KIR3DL2: variants seen among roughly 807,000 people sequenced by gnomAD.
KIR3DL2 encodes the protein killer cell immunoglobulin like receptor, three Ig domains and long cytoplasmic tail 2.
A neutral mutation model predicts 41.6 loss-of-function variants in KIR3DL2; 42 were observed. The observed-to-expected ratio is 1.01, with a 90% confidence interval of 0.79 to 1.31. KIR3DL2 has a LOEUF of 1.31. Ranked by LOEUF, KIR3DL2 falls within the 50% of genes most tolerant of loss-of-function variation. The probability of loss-of-function intolerance (pLI) is 0.00; values close to 1 mark genes in which losing one functional copy is unlikely to be tolerated. For missense variants in KIR3DL2, 728 were observed against 576.8 expected (o/e 1.26, Z -2.68); for synonymous variants, 230 against 221.3 (o/e 1.04, Z -0.35).
intron 5 of KIR3DL2, among the ~76,000 whole-genome samples, chr19:54,858,864 A>G: frequency 6.6e-6 from 1 of 151,874 alleles, no homozygotes; most frequent in Non-Finnish European, 1.5e-5. Flanking sequence ...ACATATTTCT[A>G]AGTCAGGTAG....
chr19:54,863,294 T>C (rs1375629062), intron 6 of KIR3DL2, among the ~76,000 whole-genome samples: 1 of 151,962 alleles, frequency 6.6e-6, no homozygotes, highest in African/African-American at 2.4e-5. Context: ...TTTGCTATTG[T>C]GAATAGTGCC....
rs2065576798 is a variant in KIR3DL2, at chr19:54,866,935, T to TCC, written c.*204_*205insCC. The TCC allele has an allele frequency of 6.4e-6, 4 of 624,032 alleles. No homozygotes were observed. Among genetic ancestry groups the TCC allele is most frequent in the Admixed American group, 3.0e-5 (1 of 32,838 alleles). The allele number at this position is 624,032 out of a possible 1,614,324, so 38.7% of individuals were successfully genotyped here. On this transcript the variant is annotated 3_prime_UTR_variant, in exon 9 of 9. Coordinates refer to ENST00000326321, the MANE Select transcript of KIR3DL2 (RefSeq NM_006737.4). ...CTCCTTTGCTTAGCCCACAAGTATCTATTTCACTTGACCCCTGCCCACCTC... is the reference window on the plus strand; with the variant it reads ...CTCCTTTGCTTAGCCCACAAGTATCTCCATTTCACTTGACCCCTGCCCACCTC...
At chr19:54,857,041 G>A (rs1460921688) in intron 5 of KIR3DL2, among the ~76,000 whole-genome samples, 1 of 151,682 alleles carries the variant, frequency 6.6e-6, no homozygotes, top group African/African-American at 2.4e-5. Flanking sequence ...CCTTTCCTTT[G>A]GATATAAACC....
intron 2 of KIR3DL2, 43 bp from the exon 3 acceptor site, chr19:54,851,955 C>T (rs771545743): frequency 1.3e-4 from 211 of 1,595,264 alleles, no homozygotes; most frequent in Non-Finnish European, 4.2e-5. Context: ...GGAGGGGTGG[C>T]TCCACATCCT....
chr19:54,856,803 G>A (rs1193249479), intron 5 of KIR3DL2, among the ~76,000 whole-genome samples: 2 of 152,006 alleles, frequency 1.3e-5, no homozygotes, highest in African/African-American at 4.8e-5. Context: ...TCTCCTGCAT[G>A]TGGTGAGAAA....
rs1482939823 is a variant in KIR3DL2 at position 54,851,253 on chromosome 19, T to C, written c.68T>C (p.Met23Thr). 1 of 1,608,382 alleles carries C rather than the reference T, an allele frequency of 6.2e-7. No homozygotes were observed. The highest frequency in any genetic ancestry group is 8.5e-7 in the Non-Finnish European group (1 of 1,177,548). Residue 23 changes from methionine to threonine, a missense_variant and splice_region_variant, in exon 2 of 9, where the codon ATG becomes ACG. Met to Thr is a moderately conservative substitution (Grantham distance 81, BLOSUM62 -1). Transcript: ENST00000326321. ...FFLLQGAWPL[M>T]GGQDKPFLSA... ...TTGCTGCAGGGGGCCTGGCCACTCATGGGTGAGTCCGTCCCCAAACCTTAG... is the reference window on the plus strand; with the variant it reads ...TTGCTGCAGGGGGCCTGGCCACTCACGGGTGAGTCCGTCCCCAAACCTTAG...
In KIR3DL2 at chr19:54,856,018, G is replaced by A. The variant is rs2064743398; in HGVS notation, c.949+106G>A. 36 of 1,384,722 alleles carry A rather than the reference G, an allele frequency of 2.6e-5. 1 individual carries two copies. The highest frequency in any genetic ancestry group is 2.6e-4 in the South Asian group (20 of 77,182). The allele number at this position is 1,384,722 out of a possible 1,614,324, so 85.8% of individuals were successfully genotyped here. A position where few individuals can be genotyped will look rare whatever the true frequency, so the allele number is the denominator to read the frequency against. On this transcript the variant is annotated intron_variant, in intron 5 of 8. Coordinates refer to ENST00000326321, the MANE Select transcript of KIR3DL2 (RefSeq NM_006737.4). ...GCATGGACAGATGCAGAGAGAACAC[G>A]AAGACTGGGTGTGAGGGGGGGGTCA...
At position 54,854,171 on chromosome 19, in the gene KIR3DL2, G is replaced by A. The variant is rs1408496403; in HGVS notation, c.655+125G>A. The A allele has an allele frequency of 6.6e-6, 8 of 1,204,136 alleles. 1 individual carries two copies. The South Asian group carries it at 9.8e-5, about 15-fold the overall frequency. The allele number at this position is 1,204,136 out of a possible 1,614,324, so 74.6% of individuals were successfully genotyped here. ...ATTCTTATGGAGAGAGACTGACTCG[G>A]TGAGGTCTGTACCAACAGAGACAGG... is the stretch of plus-strand genomic sequence containing the variant. On this transcript the variant is annotated intron_variant, in intron 4 of 8. Transcript: ENST00000326321.
chr19:54,855,777 G>T lies in KIR3DL2; in HGVS notation c.814G>T (p.Val272Phe). 6.2e-7 allele frequency: 1 copy of T among 1,613,470 alleles called. No homozygotes were observed. Among genetic ancestry groups the T allele is most frequent in the South Asian group, 1.1e-5 (1 of 91,076 alleles). Reference sequence around the variant, plus strand: ...ACGTAGGCTCCGTGCAGTGCCCAAGGTCAACAGAACATTCCAGGCAGACTT... The same window carrying T: ...ACGTAGGCTCCGTGCAGTGCCCAAGTTCAACAGAACATTCCAGGCAGACTT... ...HERRLRAVPK[V>F]NRTFQADFPL... The change falls in exon 5 of 9, where the codon GTC becomes TTC. Residue 272 changes from valine to phenylalanine, a missense_variant. Transcript: ENST00000326321.
chr19:54,856,748 G>T (rs1359814387), intron 5 of KIR3DL2, among the ~76,000 whole-genome samples: 2 of 151,610 alleles, frequency 1.3e-5, no homozygotes, highest in Non-Finnish European at 2.9e-5. Context: ...CCTGGCCTCT[G>T]GTATCCACCA....
At chr19:54,865,128 G>C (rs2065416947) in intron 6 of KIR3DL2, among the ~76,000 whole-genome samples, 4 of 151,992 alleles carry the variant, frequency 2.6e-5, no homozygotes, top group African/African-American at 9.7e-5. Context: ...TCCGGTTTTT[G>C]TCTTTGGTTC....
rs1304078889 is a variant in KIR3DL2, at chr19:54,851,231, C to A, written c.46C>A (p.Leu16Met). 1 of 1,610,174 alleles carries A rather than the reference C, an allele frequency of 6.2e-7. No individual in the cohort carries two copies. The highest frequency in any genetic ancestry group is 8.5e-7 in the Non-Finnish European group (1 of 1,178,434). ...ATCTTTCTTTCCAGGGTTCTTCTTG[C>A]TGCAGGGGGCCTGGCCACTCATGGG... ...VSMACVGFFL[L>M]QGAWPLMGGQ... Residue 16 changes from leucine (L) to methionine (M), a missense_variant, in exon 2 of 9, where the codon CTG (leucine) becomes ATG (methionine). Coordinates refer to ENST00000326321, the MANE Select transcript of KIR3DL2 (RefSeq NM_006737.4).
In KIR3DL2 at chr19:54,851,256, G is replaced by T. The variant is rs544077143; in HGVS notation, c.70+1G>T. Reference sequence around the variant, plus strand: ...CTGCAGGGGGCCTGGCCACTCATGGGTGAGTCCGTCCCCAAACCTTAGGGT... The same window carrying T: ...CTGCAGGGGGCCTGGCCACTCATGGTTGAGTCCGTCCCCAAACCTTAGGGT... On this transcript the variant is annotated splice_donor_variant, in intron 2 of 8. Coordinates refer to ENST00000326321, the MANE Select transcript of KIR3DL2 (RefSeq NM_006737.4). LOFTEE classifies it high-confidence loss of function. The T allele has an allele frequency of 6.2e-7, 1 of 1,609,018 alleles. No individual in the cohort carries two copies. The highest frequency in any genetic ancestry group is 1.1e-5 in the South Asian group (1 of 90,996).
chr19:54,857,176 G>C (rs2064850497), intron 5 of KIR3DL2, among the ~76,000 whole-genome samples: 1 of 150,532 alleles, frequency 6.6e-6, no homozygotes, highest in African/African-American at 2.5e-5. Flanking sequence ...TGCAACCTCT[G>C]CTTCCTAGGT....
chr19:54,855,777 G>A lies in KIR3DL2; in HGVS notation c.814G>A (p.Val272Ile). The A allele has an allele frequency of 6.2e-7, 1 of 1,613,470 alleles. No individual in the cohort carries two copies. The highest frequency in any genetic ancestry group is 2.2e-5 in the East Asian group (1 of 44,870). Residue 272 changes from valine (V) to isoleucine (I), a missense_variant, in exon 5 of 9, where the codon GTC (valine) becomes ATC (isoleucine). Val to Ile is a conservative substitution (Grantham distance 29). Coordinates refer to ENST00000326321, the MANE Select transcript of KIR3DL2 (RefSeq NM_006737.4). The part of the protein sequence containing the change: ...HERRLRAVPK[V>I]NRTFQADFPL... ...ACGTAGGCTCCGTGCAGTGCCCAAG[G>A]TCAACAGAACATTCCAGGCAGACTT...
chr19:54,866,497 T>C (rs1863203225), intron 8 of KIR3DL2, 25 bp from the exon 9 acceptor site: 6 of 1,613,850 alleles, frequency 3.7e-6, no homozygotes, highest in African/African-American at 1.3e-5. Flanking sequence ...GCACCCTCCC[T>C]CACTCAGCAT....
At position 54,866,968 on chromosome 19, in the gene KIR3DL2, T is replaced by G. The variant is rs559978714; in HGVS notation, c.*237T>G. 9.8e-4 allele frequency: 561 copies of G among 574,940 alleles called. 7 individuals are homozygous for G. The highest frequency in any genetic ancestry group is 4.9e-3 in the South Asian group (227 of 46,460). 35.6% of individuals were successfully genotyped at this position (574,940 alleles called of 1,614,324 possible). A position where few individuals can be genotyped will look rare whatever the true frequency, so the allele number is the denominator to read the frequency against. The stretch of plus-strand genomic sequence containing the variant: ...TTGACCCCTGCCCACCTCTCCAACC[T>G]AACTGGCTTACTTCCTAGTCCTACT... On this transcript the variant is annotated 3_prime_UTR_variant, in exon 9 of 9. Coordinates refer to ENST00000326321, the MANE Select transcript of KIR3DL2 (RefSeq NM_006737.4).
rs663812 is a variant in KIR3DL2 at position 54,857,411 on chromosome 19, T to A, written c.949+1499T>A. 7.3e-3 allele frequency among the ~76,000 whole-genome samples: 1,068 copies of A among 145,568 alleles called. 17 individuals are homozygous for A. The highest frequency in any genetic ancestry group is 0.01 in the Middle Eastern group (3 of 286). ...CAGCCTCCTTTTAGTTTTTTAAAGA[T>A]TTTCCATACTTTTCTCCATAATAGT... is the stretch of plus-strand genomic sequence containing the variant. On this transcript the variant is annotated intron_variant, in intron 5 of 8. Transcript: ENST00000326321.
chr19:54,851,124 C>A, intron 1 of KIR3DL2, 96 bp from the exon 2 acceptor site: 1 of 1,488,500 alleles, frequency 6.7e-7, no homozygotes, highest in Non-Finnish European at 9.3e-7. Context: ...TTCAGCCCAG[C>A]AAGGGCCTGG....
Sources: allele counts gnomAD v4.1 joint callset (sites outside exome capture counted in the v4.1 genomes callset), GRCh38; gene constraint gnomAD v4.1.1; transcripts MANE v1.5; gene names NCBI Gene and HGNC (gene_info 2026-07-23, HGNC 2026-07-21).